SLC24A2: variants seen among roughly 807,000 people sequenced by gnomAD.
SLC24A2 encodes sodium/potassium/calcium exchanger 2.
SLC24A2 carries 36 observed loss-of-function variants against 62.0 expected under a neutral mutation model. The ratio of observed to expected loss-of-function variants is 0.58; its 90% CI spans 0.44 to 0.77. The LOEUF is 0.77. Among genes scored for constraint, SLC24A2 ranks in the 30% least tolerant of loss-of-function variants. The probability of loss-of-function intolerance (pLI) is 0.00; values close to 1 mark genes in which losing one functional copy is unlikely to be tolerated. For synonymous variants in SLC24A2, 358 were observed against 294.0 expected, an observed-to-expected ratio of 1.22 and a Z score of -2.23; for missense variants, 846 against 817.9, an observed-to-expected ratio of 1.03 and a Z score of -0.42.
At chr9:19,853,149 T>C in the SLC24A2 span, among the ~76,000 whole-genome samples, 1 of 152,026 alleles carries the variant, frequency 6.6e-6, no homozygotes, top group African/African-American at 2.4e-5. Context: ...ATGCTTGTGA[T>C]TTTTGGTTTT....
chr9:19,844,920 C>T, the SLC24A2 span, among the ~76,000 whole-genome samples: 3 of 146,458 alleles, frequency 2.0e-5, no homozygotes, highest in African/African-American at 5.0e-5. Flanking sequence ...TTTCTGTAGC[C>T]TTAGTATAGT....
chr9:20,183,301 A>G, the SLC24A2 span, among the ~76,000 whole-genome samples: 2 of 152,236 alleles, frequency 1.3e-5, no homozygotes, highest in East Asian at 1.9e-4. Context: ...TAAGTGCCCT[A>G]TTTTGTATTA....
the SLC24A2 span, among the ~76,000 whole-genome samples, chr9:19,956,928 A>G: frequency 4.6e-5 from 7 of 152,192 alleles, no homozygotes; most frequent in Non-Finnish European, 8.8e-5. Flanking sequence ...TACACCAGGA[A>G]GTAGGCCCTC....
chr9:20,278,936 C>A, the SLC24A2 span, among the ~76,000 whole-genome samples: 1 of 152,090 alleles, frequency 6.6e-6, no homozygotes, highest in Admixed American at 6.5e-5. Context: ...CTCACAGTTC[C>A]ACAAGGATTA....
At chr9:19,529,352 G>C (rs1833588692) in intron 8 of SLC24A2, among the ~76,000 whole-genome samples, 1 of 152,134 alleles carries the variant, frequency 6.6e-6, no homozygotes, top group African/African-American at 2.4e-5. Context: ...GTAATCTTTT[G>C]AATATCAATA....
intron 7 of SLC24A2, among the ~76,000 whole-genome samples, chr9:19,569,253 C>T (rs373850000): frequency 7.9e-5 from 12 of 152,308 alleles, no homozygotes; most frequent in African/African-American, 2.4e-4. Context: ...TCTCATGGGT[C>T]GTACAGAAAC....
chr9:19,873,378 TTCTC>T, the SLC24A2 span, among the ~76,000 whole-genome samples: 1 of 151,136 alleles, frequency 6.6e-6, no homozygotes, highest in African/African-American at 2.4e-5. Context: ...CTTTCTTTCT[TTCTC>T]TTTCTCTCTC....
chr9:20,307,136 G>C, the SLC24A2 span, among the ~76,000 whole-genome samples: 1 of 152,014 alleles, frequency 6.6e-6, no homozygotes, highest in East Asian at 1.9e-4. Context: ...TATCTTAAAT[G>C]GAAAATCTAT....
the SLC24A2 span, among the ~76,000 whole-genome samples, chr9:19,932,421 C>A: frequency 6.6e-6 from 1 of 152,044 alleles, no homozygotes; most frequent in South Asian, 2.1e-4. Context: ...ATATTATGAG[C>A]CTGAATTAAT....
At chr9:20,073,889 T>C in the SLC24A2 span, among the ~76,000 whole-genome samples, 22 of 58,932 alleles carry the variant, frequency 3.7e-4, no homozygotes, top group Non-Finnish European at 7.6e-4. Context: ...TATATATATA[T>C]ACACACATAT....
chr9:19,992,887 T>C, the SLC24A2 span, among the ~76,000 whole-genome samples: 4 of 152,232 alleles, frequency 2.6e-5, no homozygotes, highest in South Asian at 8.3e-4. Context: ...TGTCGACCTA[T>C]CATTTTTCAT....
chr9:20,183,843 A>G, the SLC24A2 span, among the ~76,000 whole-genome samples: 1 of 128,780 alleles, frequency 7.8e-6, no homozygotes, highest in Admixed American at 7.6e-5. Flanking sequence ...GTGTAGATCA[A>G]TGGTTTTCAA....
At chr9:20,040,166 C>T in the SLC24A2 span, among the ~76,000 whole-genome samples, 5 of 152,308 alleles carry the variant, frequency 3.3e-5, no homozygotes, top group African/African-American at 4.8e-5. Context: ...GTAACCAACA[C>T]TTACCATCTT....
the SLC24A2 span, among the ~76,000 whole-genome samples, chr9:20,231,136 G>C: frequency 3.3e-5 from 5 of 152,124 alleles, no homozygotes; most frequent in African/African-American, 1.2e-4. Flanking sequence ...GGTTACTGTA[G>C]CCTTGTAGTA....
the SLC24A2 span, among the ~76,000 whole-genome samples, chr9:20,233,146 C>T: frequency 7.2e-5 from 11 of 152,216 alleles, no homozygotes; most frequent in South Asian, 6.2e-4. Flanking sequence ...TTACTTCCAA[C>T]TATGTGGTCA....
At chr9:19,754,866 G>A (rs1822092596) in intron 2 of SLC24A2, among the ~76,000 whole-genome samples, 1 of 152,044 alleles carries the variant, frequency 6.6e-6, no homozygotes, top group Non-Finnish European at 1.5e-5. Context: ...TTTACAGTGA[G>A]GTCCGAGACA....
the SLC24A2 span, among the ~76,000 whole-genome samples, chr9:20,264,561 G>A: frequency 6.6e-6 from 1 of 152,184 alleles, no homozygotes; most frequent in African/African-American, 2.4e-5. Flanking sequence ...ATTCAATTCT[G>A]TGTCCATCAC....
chr9:20,022,522 A>G, the SLC24A2 span, among the ~76,000 whole-genome samples: 1 of 152,090 alleles, frequency 6.6e-6, no homozygotes, highest in South Asian at 2.1e-4. Flanking sequence ...CAGTAAGTGT[A>G]CCCCCTCCCT....
chr9:19,694,682 C>T (rs370484658), intron 2 of SLC24A2, among the ~76,000 whole-genome samples: 4 of 152,186 alleles, frequency 2.6e-5, no homozygotes, highest in East Asian at 3.9e-4. Flanking sequence ...TTCAGATATG[C>T]ACAAAGATAA....
Sources: allele counts gnomAD v4.1 joint callset (sites outside exome capture counted in the v4.1 genomes callset), GRCh38; gene constraint gnomAD v4.1.1; transcripts MANE v1.5; gene names NCBI Gene and HGNC (gene_info 2026-07-23, HGNC 2026-07-21).